The following KLF12 variants were observed in gnomAD, a reference collection of about 807,000 sequenced individuals.
KLF12 encodes Krueppel-like factor 12.
In KLF12, 9 loss-of-function variants were observed where a neutral mutation model predicts 37.8. The ratio of observed to expected loss-of-function variants is 0.24; its 90% confidence interval spans 0.14 to 0.42. The LOEUF is 0.42. Ranked by LOEUF, KLF12 falls within the 10% of genes least tolerant of loss-of-function variation. The pLI is 1.00. For missense variants in KLF12, 411 were observed against 516.0 expected (o/e 0.80, Z 1.97); for synonymous variants, 208 against 202.1 (o/e 1.03, Z -0.25).
At chr13:74,147,688 C>T in the KLF12 span, among the ~76,000 whole-genome samples, 3 of 152,124 alleles carry the variant, frequency 2.0e-5, no homozygotes, top group Non-Finnish European at 2.9e-5. Context: ...TGCCTTGTCT[C>T]CTATGCTTGC....
At chr13:73,923,585 T>C (rs942755165) in intron 3 of KLF12, among the ~76,000 whole-genome samples, 2 of 152,182 alleles carry the variant, frequency 1.3e-5, no homozygotes, top group South Asian at 2.1e-4. Flanking sequence ...AATTGTTCCA[T>C]TCCAGAAGGG....
At chr13:73,781,519 T>C (rs1457158622) in intron 5 of KLF12, among the ~76,000 whole-genome samples, 2 of 152,266 alleles carry the variant, frequency 1.3e-5, no homozygotes, top group Non-Finnish European at 2.9e-5. Flanking sequence ...GATACCCTCT[T>C]TTAAATAATC....
chr13:74,115,075 A>C (rs1877211037), intron 1 of KLF12, among the ~76,000 whole-genome samples: 2 of 152,190 alleles, frequency 1.3e-5, no homozygotes, highest in Non-Finnish European at 2.9e-5. Context: ...CCCTGGTGCC[A>C]AAAGGGTTTG....
At chr13:73,868,853 A>G (rs1437918326) in intron 3 of KLF12, among the ~76,000 whole-genome samples, 1 of 152,222 alleles carries the variant, frequency 6.6e-6, no homozygotes, top group African/African-American at 2.4e-5. Flanking sequence ...AAAAGAAGAA[A>G]CACATAGTGA....
the KLF12 span, among the ~76,000 whole-genome samples, chr13:74,280,966 C>T: frequency 1.1e-3 from 163 of 152,000 alleles, 1 homozygote; most frequent in African/African-American, 3.8e-3. Context: ...TACTCTCTCC[C>T]ACAACTACTT....
the KLF12 span, among the ~76,000 whole-genome samples, chr13:74,171,268 G>A: frequency 2.0e-5 from 3 of 152,132 alleles, no homozygotes; most frequent in African/African-American, 7.2e-5. Context: ...TTCTGCCCAA[G>A]TCTGGTGCAC....
At chr13:73,985,347 G>C (rs1891800441) in intron 2 of KLF12, among the ~76,000 whole-genome samples, 2 of 152,208 alleles carry the variant, frequency 1.3e-5, no homozygotes, top group African/African-American at 4.8e-5. Context: ...AAGGTGCCCA[G>C]ATTCCAACTC....
chr13:73,889,736 T>G (rs891847900), intron 3 of KLF12, among the ~76,000 whole-genome samples: 2 of 152,084 alleles, frequency 1.3e-5, no homozygotes, highest in Non-Finnish European at 2.9e-5. Flanking sequence ...AATAAAGGGC[T>G]AACAGAGTAA....
chr13:73,953,309 G>A (rs1345013592), intron 2 of KLF12, among the ~76,000 whole-genome samples: 1 of 149,584 alleles, frequency 6.7e-6, no homozygotes, highest in Non-Finnish European at 1.5e-5. Flanking sequence ...ATACAAGTTT[G>A]GTTAAAATTA....
the KLF12 span, among the ~76,000 whole-genome samples, chr13:74,235,953 T>A: frequency 6.6e-6 from 1 of 151,668 alleles, no homozygotes; most frequent in Non-Finnish European, 1.5e-5. Context: ...TTTTTATTTT[T>A]TTTTATTATA....
At chr13:74,012,774 A>T (rs1892583642) in intron 1 of KLF12, among the ~76,000 whole-genome samples, 1 of 152,246 alleles carries the variant, frequency 6.6e-6, no homozygotes, top group Admixed American at 6.5e-5. Flanking sequence ...GCTATTTTGC[A>T]GTACTTCAGT....
the KLF12 span, among the ~76,000 whole-genome samples, chr13:74,210,038 T>C: frequency 3.3e-4 from 50 of 152,202 alleles, no homozygotes; most frequent in African/African-American, 1.1e-3. Flanking sequence ...TTGTTAATAT[T>C]TATTTTTTAT....
At chr13:73,859,256 G>C (rs144295718) in intron 3 of KLF12, among the ~76,000 whole-genome samples, 1 of 152,272 alleles carries the variant, frequency 6.6e-6, no homozygotes, top group East Asian at 1.9e-4. Context: ...CAGGGAGCAG[G>C]GGCAGGCAAG....
the KLF12 span, among the ~76,000 whole-genome samples, chr13:74,208,519 G>C: frequency 1.3e-5 from 2 of 152,164 alleles, no homozygotes; most frequent in African/African-American, 4.8e-5. Context: ...ATAATAGCAA[G>C]TAAATTATAG....
the KLF12 span, among the ~76,000 whole-genome samples, chr13:74,172,786 G>A: frequency 0.019 from 2,823 of 152,232 alleles, 79 homozygotes; most frequent in African/African-American, 0.062. Flanking sequence ...GAGCATGGGC[G>A]ACCTGAATAA....
rs556509922 is a variant in KLF12 at position 73,732,564 on chromosome 13, G to A, written c.870-17039C>T. 5.8e-4 allele frequency among the ~76,000 whole-genome samples: 89 copies of A among 152,140 alleles called. 1 individual carries two copies. Among genetic ancestry groups the A allele is most frequent in the African/African-American group, 2.1e-3 (87 of 41,506 alleles). ...TCAATAGATAGTTGCCTAATATTAA[G>A]GAAAAACATCTCACATCACACATCT... On this transcript the variant is annotated intron_variant, in intron 6 of 7. Transcript: ENST00000377669.
In KLF12 at chr13:73,749,404, A is replaced by C. The variant is rs527770941; in HGVS notation, c.869+15534T>G. 5.9e-5 allele frequency among the ~76,000 whole-genome samples: 9 copies of C among 152,322 alleles called. No homozygotes were observed. In the East Asian group the frequency reaches 1.5e-3, roughly 26 times the overall value. The stretch of plus-strand genomic sequence containing the variant: ...GTGTCTTCAAAGGTGTGACAATTAA[A>C]ACTAAAAGACTGATCTTCAAATTCA... On this transcript the variant is annotated intron_variant, in intron 6 of 7. Transcript: ENST00000377669.
At chr13:74,300,035 A>C in the KLF12 span, among the ~76,000 whole-genome samples, 1 of 152,094 alleles carries the variant, frequency 6.6e-6, no homozygotes. Context: ...GAGTATCCCT[A>C]ATGGAAAAAA....
the KLF12 span, among the ~76,000 whole-genome samples, chr13:74,260,671 C>T: frequency 6.7e-6 from 1 of 150,332 alleles, no homozygotes; most frequent in African/African-American, 2.5e-5. Flanking sequence ...TAAAATTGGG[C>T]TTCAAATGGA....
Sources: allele counts gnomAD v4.1 joint callset (sites outside exome capture counted in the v4.1 genomes callset), GRCh38; gene constraint gnomAD v4.1.1; transcripts MANE v1.5; gene names NCBI Gene and HGNC (gene_info 2026-07-23, HGNC 2026-07-21).